AUTS2: variants seen among roughly 807,000 people sequenced by gnomAD.
AUTS2 encodes activator of transcription and developmental regulator AUTS2, also known as autism susceptibility gene 2 protein.
A neutral mutation model predicts 112.4 loss-of-function variants in AUTS2; 17 were observed. That is an observed-to-expected ratio of 0.15 (90% confidence interval 0.10 to 0.23). The LOEUF is 0.23. AUTS2 is among the 10% of genes least tolerant of loss of function. The pLI, the probability that AUTS2 is intolerant of heterozygous loss-of-function variation, is 1.00. For missense variants in AUTS2, 1,510 were observed against 1,701.6 expected (o/e 0.89, Z 1.98); for synonymous variants, 751 against 702.7 (o/e 1.07, Z -1.09).
intron 2 of AUTS2, among the ~76,000 whole-genome samples, chr7:69,980,695 A>G (rs1798259944): frequency 6.6e-6 from 1 of 152,118 alleles, no homozygotes; most frequent in Non-Finnish European, 1.5e-5. Flanking sequence ...AGCGGTTTGC[A>G]TCTTTGGCTA....
intron 4 of AUTS2, among the ~76,000 whole-genome samples, chr7:70,190,292 A>G (rs1283021992): frequency 6.6e-6 from 1 of 152,158 alleles, no homozygotes; most frequent in Non-Finnish European, 1.5e-5. Flanking sequence ...GCCAAGATAG[A>G]TGTTTGAACG....
At chr7:70,275,947 G>A (rs985784873) in intron 4 of AUTS2, among the ~76,000 whole-genome samples, 2 of 152,132 alleles carry the variant, frequency 1.3e-5, no homozygotes, top group African/African-American at 4.8e-5. Context: ...GCATGAGAAC[G>A]TATTAATACA....
intron 4 of AUTS2, among the ~76,000 whole-genome samples, chr7:70,209,319 A>G (rs1305615241): frequency 6.6e-6 from 1 of 152,198 alleles, no homozygotes; most frequent in African/African-American, 2.4e-5. Context: ...GGAAGAATTT[A>G]TAGGGTGTGA....
chr7:70,586,224 T>C (rs1802682642), intron 5 of AUTS2, among the ~76,000 whole-genome samples: 1 of 152,190 alleles, frequency 6.6e-6, no homozygotes, highest in Non-Finnish European at 1.5e-5. Flanking sequence ...TGTACAAATA[T>C]AGCAAAAGTA....
chr7:69,834,161 T>C (rs1791620600), intron 1 of AUTS2, among the ~76,000 whole-genome samples: 1 of 152,178 alleles, frequency 6.6e-6, no homozygotes, highest in Non-Finnish European at 1.5e-5. Flanking sequence ...CACTCTTCTT[T>C]ACAGGCTGGC....
intron 1 of AUTS2, among the ~76,000 whole-genome samples, chr7:69,739,978 A>G (rs1475472194): frequency 6.6e-6 from 1 of 152,230 alleles, no homozygotes; most frequent in Non-Finnish European, 1.5e-5. Context: ...CTAAACTCCC[A>G]GTGGTCTTTG....
rs545116783 is a variant in AUTS2 at position 70,245,422 on chromosome 7, C to T, written c.660+110851C>T. On this transcript the variant is annotated intron_variant, in intron 4 of 18. Coordinates refer to ENST00000342771, the MANE Select transcript of AUTS2 (RefSeq NM_015570.4). ...TCACAGTGAACAATTATTTGCCTTG[C>T]GAATACTTACAGTAAACATTTCTGT... Among the ~76,000 whole-genome samples the T allele has an allele frequency of 3.5e-4, 53 of 152,056 alleles. No individual in the cohort carries two copies. In the South Asian group the frequency reaches 7.9e-3, roughly 23 times the overall value.
chr7:70,637,631 G>T (rs1246082597), intron 5 of AUTS2, among the ~76,000 whole-genome samples: 1 of 152,182 alleles, frequency 6.6e-6, no homozygotes, highest in Non-Finnish European at 1.5e-5. Context: ...GCCTCAGGAG[G>T]TAGGAAGAGG....
intron 1 of AUTS2, among the ~76,000 whole-genome samples, chr7:69,889,606 A>G (rs966046453): frequency 3.9e-5 from 6 of 152,208 alleles, no homozygotes; most frequent in Admixed American, 2.0e-4. Flanking sequence ...GGCTATTTGT[A>G]TGTCTTCTTC....
At chr7:70,245,144 G>GTATATATATATA (rs71077638) in intron 4 of AUTS2, among the ~76,000 whole-genome samples, 9 of 108,996 alleles carry the variant, frequency 8.3e-5, no homozygotes, top group African/African-American at 3.3e-4. Flanking sequence ...GTGTGTGTGT[G>GTATATATATATA]TATATATATA....
At chr7:69,721,503 T>G (rs1295730890) in intron 1 of AUTS2, among the ~76,000 whole-genome samples, 1 of 152,208 alleles carries the variant, frequency 6.6e-6, no homozygotes, top group Non-Finnish European at 1.5e-5. Context: ...TTCAGTTTCT[T>G]TTGCCCATCA....
intron 1 of AUTS2, among the ~76,000 whole-genome samples, chr7:69,751,479 T>C (rs887649314): frequency 6.6e-6 from 1 of 152,182 alleles, no homozygotes; most frequent in Admixed American, 6.6e-5. Flanking sequence ...TCCTTGGTAC[T>C]TTTTGAATTT....
chr7:70,251,138 C>T (rs555930746), intron 4 of AUTS2, among the ~76,000 whole-genome samples: 3 of 151,926 alleles, frequency 2.0e-5, no homozygotes, highest in Non-Finnish European at 4.4e-5. Context: ...AATCTTGGCT[C>T]ACTGCAACCT....
At chr7:70,718,692 C>T (rs1013242390) in intron 6 of AUTS2, among the ~76,000 whole-genome samples, 1 of 152,048 alleles carries the variant, frequency 6.6e-6, no homozygotes, top group Non-Finnish European at 1.5e-5. Flanking sequence ...AACAAAAAAA[C>T]CCAATAACAC....
At chr7:69,861,998 TAACATTG>T (rs1312851339) in intron 1 of AUTS2, among the ~76,000 whole-genome samples, 2 of 152,244 alleles carry the variant, frequency 1.3e-5, no homozygotes, top group Non-Finnish European at 2.9e-5. Context: ...GTTTTGAATT[TAACATTG>T]AACATTCTTT....
chr7:69,802,443 T>C (rs1562892816), intron 1 of AUTS2, among the ~76,000 whole-genome samples: 1 of 152,336 alleles, frequency 6.6e-6, no homozygotes, highest in Admixed American at 6.5e-5. Flanking sequence ...CTTACTCTGA[T>C]TGATAACGGA....
At chr7:70,129,091 C>A (rs947200401) in intron 3 of AUTS2, among the ~76,000 whole-genome samples, 1 of 152,186 alleles carries the variant, frequency 6.6e-6, no homozygotes, top group Non-Finnish European at 1.5e-5. Flanking sequence ...ACCAGCAGAA[C>A]ATGATTTATT....
At chr7:70,758,979 G>A (rs1219131680) in intron 6 of AUTS2, among the ~76,000 whole-genome samples, 3 of 152,158 alleles carry the variant, frequency 2.0e-5, no homozygotes, top group Non-Finnish European at 4.4e-5. Flanking sequence ...GTTCTTACCA[G>A]CTCAAACTCA....
chr7:70,570,768 G>A (rs534773066), intron 5 of AUTS2, among the ~76,000 whole-genome samples: 1 of 152,218 alleles, frequency 6.6e-6, no homozygotes, highest in South Asian at 2.1e-4. Context: ...GCATCTTCCT[G>A]TTGCATTCCC....
Sources: allele counts gnomAD v4.1 joint callset (sites outside exome capture counted in the v4.1 genomes callset), GRCh38; gene constraint gnomAD v4.1.1; transcripts MANE v1.5; gene names NCBI Gene and HGNC (gene_info 2026-07-23, HGNC 2026-07-21).